LDLRAD4: variants seen among roughly 807,000 people sequenced by gnomAD.
LDLRAD4 encodes the protein low-density lipoprotein receptor class A domain-containing protein 4.
Under a neutral mutation model 17.0 loss-of-function variants are expected in LDLRAD4, and 5 were observed. The observed-to-expected ratio is 0.29, with a 90% CI of 0.15 to 0.62. LDLRAD4 has a LOEUF of 0.62. LDLRAD4 is among the 20% of genes least tolerant of loss of function. LDLRAD4 has a pLI of 0.84. For synonymous variants in LDLRAD4, 168 were observed against 171.8 expected (o/e 0.98, Z 0.17); for missense variants, 340 against 424.7 (o/e 0.80, Z 1.75).
intron 3 of LDLRAD4, among the ~76,000 whole-genome samples, chr18:13,575,442 A>G (rs1416802182): frequency 2.6e-5 from 4 of 152,208 alleles, no homozygotes; most frequent in Admixed American, 2.6e-4. Flanking sequence ...GTGTATATAT[A>G]CCACAATTTC....
chr18:13,339,983 T>G (rs2082290058), intron 1 of LDLRAD4, among the ~76,000 whole-genome samples: 1 of 152,166 alleles, frequency 6.6e-6, no homozygotes. Context: ...GCCATTCTAC[T>G]TTCTCTATGA....
chr18:13,631,813 A>C (rs1158857751), intron 4 of LDLRAD4, among the ~76,000 whole-genome samples: 1 of 151,992 alleles, frequency 6.6e-6, no homozygotes, highest in South Asian at 2.1e-4. Flanking sequence ...TGCAATCCCA[A>C]CTACTCGGGA....
At chr18:13,511,920 A>G (rs2093787062) in intron 3 of LDLRAD4, among the ~76,000 whole-genome samples, 1 of 152,238 alleles carries the variant, frequency 6.6e-6, no homozygotes, top group Admixed American at 6.5e-5. Context: ...TTTTAGCGTC[A>G]CTGGCATGGG....
At chr18:13,330,108 A>G (rs1358153392) in intron 1 of LDLRAD4, among the ~76,000 whole-genome samples, 1 of 151,966 alleles carries the variant, frequency 6.6e-6, no homozygotes, top group Non-Finnish European at 1.5e-5. Context: ...GGCGCCTGCC[A>G]CCACGCCCGG....
chr18:13,297,161 T>C (rs1406101681), intron 1 of LDLRAD4, among the ~76,000 whole-genome samples: 1 of 152,216 alleles, frequency 6.6e-6, no homozygotes, highest in Admixed American at 6.5e-5. Context: ...CACTGCCCTC[T>C]TTGATAAGAG....
At chr18:13,508,691 GA>G (rs1000411623) in intron 3 of LDLRAD4, among the ~76,000 whole-genome samples, 18 of 150,656 alleles carry the variant, frequency 1.2e-4, no homozygotes, top group Non-Finnish European at 2.2e-4. Context: ...TACTGCTCAG[GA>G]AAAAAAAAGA....
intron 2 of LDLRAD4, among the ~76,000 whole-genome samples, chr18:13,402,306 C>T (rs960281235): frequency 3.3e-5 from 5 of 152,134 alleles, no homozygotes; most frequent in African/African-American, 9.7e-5. Flanking sequence ...CCCTGCTACC[C>T]TGACCCGAAC....
chr18:13,586,343 G>T (rs375516178), intron 3 of LDLRAD4, among the ~76,000 whole-genome samples: 19 of 142,196 alleles, frequency 1.3e-4, no homozygotes, highest in East Asian at 1.1e-3. Flanking sequence ...GGAGGCGGAG[G>T]TTGCAGTGAG....
At chr18:13,595,056 C>T (rs1284442) in intron 3 of LDLRAD4, among the ~76,000 whole-genome samples, 142,931 of 152,224 alleles carry the variant, frequency 0.94, 67,202 homozygotes, top group East Asian at 1. Context: ...ATTATAGTCA[C>T]TTTTATCATT....
intron 3 of LDLRAD4, chr18:13,526,345 T>C (rs1416172535): frequency 6.6e-6 from 1 of 152,126 alleles, no homozygotes; most frequent in Non-Finnish European, 1.5e-5. Flanking sequence ...TTTTATAATA[T>C]TGGAAAACAT....
chr18:13,364,063 ATATAAT>A (rs1301431632), intron 1 of LDLRAD4, among the ~76,000 whole-genome samples: 1 of 152,236 alleles, frequency 6.6e-6, no homozygotes, highest in African/African-American at 2.4e-5. Context: ...TAAAGAATAA[ATATAAT>A]TAGCATAAAA....
At chr18:13,578,825 G>GTTTTTTTT (rs1286958694) in intron 3 of LDLRAD4, among the ~76,000 whole-genome samples, 50 of 49,856 alleles carry the variant, frequency 1.0e-3, no homozygotes, top group African/African-American at 1.7e-3. Flanking sequence ...AGTTGTCCGG[G>GTTTTTTTT]TCTTTTTTTT....
intron 4 of LDLRAD4, among the ~76,000 whole-genome samples, chr18:13,636,226 C>T (rs1248851903): frequency 2.6e-5 from 4 of 152,096 alleles, no homozygotes; most frequent in Admixed American, 6.5e-5. Context: ...ACACCACAGT[C>T]CCAGCATGCT....
intron 3 of LDLRAD4, among the ~76,000 whole-genome samples, chr18:13,453,714 C>T (rs1037907706): frequency 6.6e-6 from 1 of 152,198 alleles, no homozygotes; most frequent in Non-Finnish European, 1.5e-5. Context: ...GATGAGAGCC[C>T]CAGCTCTGAG....
At chr18:13,642,446 C>T (rs1402945351) in intron 4 of LDLRAD4, 3 of 1,181,914 alleles carry the variant, frequency 2.5e-6, no homozygotes, top group Non-Finnish European at 2.1e-6. Flanking sequence ...TTTACTGAGG[C>T]CTGTGGCTGG....
chr18:13,648,937 G>A (rs1175725037), exon 6 of LDLRAD4: 1 of 152,132 alleles, frequency 6.6e-6, no homozygotes, highest in Non-Finnish European at 1.5e-5. Flanking sequence ...GAGATTTCAT[G>A]AAGCAAATTA....
intron 1 of LDLRAD4, among the ~76,000 whole-genome samples, chr18:13,259,764 A>ACAGC (rs1034263609): frequency 3.1e-5 from 4 of 129,006 alleles, no homozygotes; most frequent in Non-Finnish European, 6.3e-5. Flanking sequence ...ATTTGCCTTT[A>ACAGC]CAGCCACCCA....
intron 1 of LDLRAD4, among the ~76,000 whole-genome samples, chr18:13,385,710 C>T (rs947378457): frequency 6.6e-6 from 1 of 152,140 alleles, no homozygotes; most frequent in Non-Finnish European, 1.5e-5. Flanking sequence ...TTCCATTTCC[C>T]AAAGTTCATG....
chr18:13,598,576 C>A (rs1033430734), intron 3 of LDLRAD4, among the ~76,000 whole-genome samples: 1 of 152,214 alleles, frequency 6.6e-6, no homozygotes, highest in Admixed American at 6.5e-5. Context: ...TTCTCTGATT[C>A]TCTGTAAAAT....
Sources: allele counts gnomAD v4.1 joint callset (sites outside exome capture counted in the v4.1 genomes callset), GRCh38; gene constraint gnomAD v4.1.1; transcripts MANE v1.5; gene names NCBI Gene and HGNC (gene_info 2026-07-23, HGNC 2026-07-21).